The following LIPJ variants were observed in gnomAD, a reference collection of about 807,000 sequenced individuals.
LIPJ encodes the protein lipase family member J.
LIPJ carries 33 observed loss-of-function variants against 39.8 expected under a neutral mutation model. The ratio of observed to expected loss-of-function variants is 0.83; its 90% confidence interval spans 0.63 to 1.11. The LOEUF is 1.11. Ranked by LOEUF, LIPJ falls within the 50% of genes least tolerant of loss-of-function variation. LIPJ has a pLI of 0.00. For missense variants in LIPJ, 422 were observed against 427.9 expected, an observed-to-expected ratio of 0.99 and a Z score of 0.12; for synonymous variants, 128 against 139.2, an observed-to-expected ratio of 0.92 and a Z score of 0.57.
the LIPJ span, among the ~76,000 whole-genome samples, chr10:88,616,554 C>T: frequency 6.6e-6 from 1 of 152,326 alleles, no homozygotes; most frequent in East Asian, 1.9e-4. Flanking sequence ...GGAGCTGAGG[C>T]GGGGGATCCT....
chr10:88,589,561 G>GT (rs1199341219), intron 2 of LIPJ, among the ~76,000 whole-genome samples: 2 of 151,452 alleles, frequency 1.3e-5, no homozygotes, highest in Non-Finnish European at 1.5e-5. Context: ...GTTAGAAAGT[G>GT]TTTTTTTAAA....
intron 9 of LIPJ, among the ~76,000 whole-genome samples, chr10:88,604,954 G>A (rs1851612801): frequency 6.6e-6 from 1 of 152,144 alleles, no homozygotes; most frequent in African/African-American, 2.4e-5. Context: ...AGATTAACAG[G>A]TCAGGTGGCA....
chr10:88,598,386 CAG>C (rs1007360517), intron 8 of LIPJ, among the ~76,000 whole-genome samples: 16 of 152,090 alleles, frequency 1.1e-4, no homozygotes, highest in Admixed American at 8.5e-4. Context: ...CAAGAAAAAA[CAG>C]ATGATAAAAA....
chr10:88,591,328 T>C, intron 3 of LIPJ, 50 bp from the exon 4 acceptor site: 1 of 1,483,932 alleles, frequency 6.7e-7, no homozygotes, highest in Non-Finnish European at 9.2e-7. Flanking sequence ...ACCATTCAAC[T>C]TAATTGGATA....
At chr10:88,602,244 A>G (rs1482896428) in intron 8 of LIPJ, among the ~76,000 whole-genome samples, 1 of 151,648 alleles carries the variant, frequency 6.6e-6, no homozygotes, top group Non-Finnish European at 1.5e-5. Context: ...TATTTTTGTA[A>G]TTTACTTCTA....
chr10:88,604,907 A>T (rs935835007), intron 9 of LIPJ, among the ~76,000 whole-genome samples: 1 of 152,196 alleles, frequency 6.6e-6, no homozygotes, highest in East Asian at 1.9e-4. Flanking sequence ...GAAGAGCAAG[A>T]TCCTTTCGAG....
downstream of LIPJ, among the ~76,000 whole-genome samples, chr10:88,607,897 C>T (rs530393614): frequency 6.6e-6 from 1 of 152,308 alleles, no homozygotes; most frequent in African/African-American, 2.4e-5. Context: ...ATCAATAATT[C>T]CTCTTGTCAA....
chr10:88,616,123 C>T, the LIPJ span, among the ~76,000 whole-genome samples: 5 of 151,912 alleles, frequency 3.3e-5, no homozygotes, highest in East Asian at 7.7e-4. Context: ...ATGGAATACT[C>T]TTGTAGAATA....
chr10:88,598,197 C>T (rs769507629), intron 8 of LIPJ, among the ~76,000 whole-genome samples: 3 of 151,936 alleles, frequency 2.0e-5, no homozygotes, highest in Non-Finnish European at 2.9e-5. Context: ...CTAGCAAGAT[C>T]TGTGGAGGAA....
chr10:88,613,864 ATG>A, the LIPJ span, among the ~76,000 whole-genome samples: 2 of 145,724 alleles, frequency 1.4e-5, no homozygotes, highest in South Asian at 4.3e-4. Context: ...GTGTATATAT[ATG>A]TATCTTATAT....
intron 9 of LIPJ, 59 bp downstream of exon 9, chr10:88,602,706 C>T: frequency 1.9e-6 from 2 of 1,069,782 alleles, no homozygotes; most frequent in Non-Finnish European, 2.8e-6. Flanking sequence ...TGGTTTACCT[C>T]ATTATTCTAG....
chr10:88,586,379 T>G (rs375901904), upstream of LIPJ, among the ~76,000 whole-genome samples: 9 of 152,240 alleles, frequency 5.9e-5, no homozygotes, highest in East Asian at 7.7e-4. Context: ...GCAAGATAGG[T>G]GAGACAGCCC....
chr10:88,583,084 GC>G, upstream of LIPJ: 1 of 1,613,554 alleles, frequency 6.2e-7, no homozygotes, highest in South Asian at 1.1e-5. Context: ...TGAGTCCTCA[GC>G]CTTGTCCCAC....
chr10:88,606,943 A>G (rs778440238), exon 11 of LIPJ: 5 of 1,405,598 alleles, frequency 3.6e-6, no homozygotes, highest in Non-Finnish European at 4.7e-6. Context: ...GATCTACATC[A>G]TTCCTAATGA....
chr10:88,621,229 A>G, the LIPJ span, among the ~76,000 whole-genome samples: 1 of 152,208 alleles, frequency 6.6e-6, no homozygotes, highest in Non-Finnish European at 1.5e-5. Context: ...AGCTTTCTTT[A>G]TAATTGCCAA....
At chr10:88,607,064 C>A, downstream of LIPJ, 1 of 647,214 alleles carries the variant, frequency 1.5e-6, no homozygotes, top group Non-Finnish European at 2.2e-6. Flanking sequence ...GTCATTAAAT[C>A]AGTGTCATTC....
chr10:88,599,479 T>A (rs1267755821), intron 8 of LIPJ, among the ~76,000 whole-genome samples: 1 of 151,992 alleles, frequency 6.6e-6, no homozygotes, highest in Non-Finnish European at 1.5e-5. Context: ...CTCACTCTTT[T>A]ATTTATTTAT....
At position 88,593,795 on chromosome 10, in the gene LIPJ, C is replaced by T. The variant is rs140961643; in HGVS notation, c.131-151C>T. On this transcript the variant is annotated intron_variant, in intron 4 of 10. Coordinates refer to ENST00000371939, the Ensembl canonical transcript of LIPJ. ...TGTATTAAACAGCTCTGTCATACAA[C>T]GGGATTAAATCTTAATAACTTACCC... The T allele has an allele frequency of 6.7e-3, 4,124 of 618,986 alleles. 30 individuals carry two copies. Among genetic ancestry groups the T allele is most frequent in the South Asian group, 6.4e-3 (296 of 45,998 alleles). The allele number at this position is 618,986 out of a possible 1,614,324, so 38.3% of individuals were successfully genotyped here. A position where few individuals can be genotyped will look rare whatever the true frequency, so the allele number is the denominator to read the frequency against.
At chr10:88,588,062 T>C (rs193108873) in intron 2 of LIPJ, among the ~76,000 whole-genome samples, 42 of 152,090 alleles carry the variant, frequency 2.8e-4, no homozygotes, top group Admixed American at 8.5e-4. Context: ...TTAGACACAC[T>C]TGAGGTGTTT....
Sources: allele counts gnomAD v4.1 joint callset (sites outside exome capture counted in the v4.1 genomes callset), GRCh38; gene constraint gnomAD v4.1.1; transcripts MANE v1.5; gene names NCBI Gene and HGNC (gene_info 2026-07-23, HGNC 2026-07-21).